Variants in SAMD5 observed in about 807,000 individuals in gnomAD.
SAMD5 encodes the protein sterile alpha motif domain containing 5.
In SAMD5, 13 loss-of-function variants were observed where a neutral mutation model predicts 11.3. The ratio of observed to expected loss-of-function variants is 1.15; its 90% CI spans 0.75 to 1.83. SAMD5 has a LOEUF of 1.83. SAMD5 is among the 40% of genes most tolerant of loss of function. The pLI, the probability that SAMD5 is intolerant of heterozygous loss-of-function variation, is 0.00. For synonymous variants in SAMD5, 129 were observed against 111.3 expected (o/e 1.16, Z -1.00); for missense variants, 255 against 239.1 (o/e 1.07, Z -0.44).
the SAMD5 span, among the ~76,000 whole-genome samples, chr6:147,796,841 A>G: frequency 6.7e-6 from 1 of 150,290 alleles, no homozygotes; most frequent in Non-Finnish European, 1.5e-5. Context: ...TGTGAATGGG[A>G]GTTCACTCAT....
chr6:147,908,655 A>G, the SAMD5 span, among the ~76,000 whole-genome samples: 1 of 152,190 alleles, frequency 6.6e-6, no homozygotes, highest in African/African-American at 2.4e-5. Context: ...ATTTGTGTAG[A>G]TACATATATG....
chr6:147,752,050 C>A, the SAMD5 span, among the ~76,000 whole-genome samples: 4 of 152,182 alleles, frequency 2.6e-5, no homozygotes, highest in Non-Finnish European at 5.9e-5. Context: ...GCTTTTAATT[C>A]TTTGATAAAA....
At chr6:147,651,243 G>A (rs1367833454) in intron 1 of SAMD5, among the ~76,000 whole-genome samples, 5 of 152,280 alleles carry the variant, frequency 3.3e-5, no homozygotes, top group Admixed American at 2.6e-4. Flanking sequence ...AATAGCAAAC[G>A]ATTACGGTCC....
chr6:147,738,779 T>G (rs562931834), downstream of SAMD5, among the ~76,000 whole-genome samples: 16 of 152,350 alleles, frequency 1.1e-4, no homozygotes, highest in Non-Finnish European at 1.9e-4. Context: ...TGTGGCTGAC[T>G]GCCCACAGTT....
In SAMD5 at chr6:147,711,052, G is replaced by A. The variant is rs1000869559; in HGVS notation, c.163-26265G>A. Among the ~76,000 whole-genome samples the A allele has an allele frequency of 2.0e-5, 3 of 151,638 alleles. No individual in the cohort carries two copies. The highest frequency in any genetic ancestry group is 2.0e-4 in the Admixed American group (3 of 15,212). On this transcript the variant is annotated intron_variant, in intron 1 of 1. Transcript: ENST00000566741. This position sits in a 1 kb window ranked among gnomAD's most constrained non-coding sequence, Gnocchi z 4.1. ...AAGGAGGGAAGGAAAATGAAAGAAG[G>A]AAGGAAAAGAAGGAAGGAAGGAAGG...
chr6:147,680,739 A>G (rs1415144011), intron 1 of SAMD5, among the ~76,000 whole-genome samples: 3 of 152,082 alleles, frequency 2.0e-5, no homozygotes, highest in Non-Finnish European at 4.4e-5. Flanking sequence ...ATTCTGTCAA[A>G]TATTTTTTCT....
the SAMD5 span, among the ~76,000 whole-genome samples, chr6:147,775,225 T>C: frequency 6.6e-6 from 1 of 151,692 alleles, no homozygotes; most frequent in Non-Finnish European, 1.5e-5. Flanking sequence ...TGATGTGGGT[T>C]CAAATCCTGA....
chr6:147,681,593 A>G (rs1343334755), intron 1 of SAMD5, among the ~76,000 whole-genome samples: 1 of 152,132 alleles, frequency 6.6e-6, no homozygotes, highest in African/African-American at 2.4e-5. Flanking sequence ...TGCCTGGTAA[A>G]TATTTTATTG....
rs553785480 is a variant in SAMD5, at chr6:147,644,839, T to C, written c.163-92478T>C. ...ATTCTCCAAATCATCACAAGAGACA[T>C]GGGATTCATGGAAACCCTTGGATTA... On this transcript the variant is annotated intron_variant, in intron 1 of 1. Coordinates refer to the SAMD5 transcript ENST00000566741. Among the ~76,000 whole-genome samples the C allele has an allele frequency of 1.9e-4, 29 of 152,310 alleles. No homozygotes were observed. The South Asian group carries it at 6.0e-3, about 32-fold the overall frequency.
intron 1 of SAMD5, among the ~76,000 whole-genome samples, chr6:147,714,759 T>C (rs6940425): frequency 0.2 from 31,055 of 152,138 alleles, 4,605 homozygotes; most frequent in African/African-American, 0.41. Flanking sequence ...TCCTGGACTC[T>C]ATTCTTGGAC....
the SAMD5 span, among the ~76,000 whole-genome samples, chr6:147,929,089 G>C: frequency 6.6e-6 from 1 of 151,814 alleles, no homozygotes; most frequent in East Asian, 1.9e-4. Flanking sequence ...CTTTTAACTA[G>C]AGCAGTCACT....
chr6:147,709,828 T>C (rs1341150533), intron 1 of SAMD5, among the ~76,000 whole-genome samples: 5 of 152,326 alleles, frequency 3.3e-5, no homozygotes, highest in East Asian at 1.9e-4. Flanking sequence ...TCATCTTTTC[T>C]CTGGAGGACT....
chr6:147,944,483 G>A, the SAMD5 span, among the ~76,000 whole-genome samples: 9 of 152,052 alleles, frequency 5.9e-5, no homozygotes, highest in East Asian at 5.8e-4. Context: ...ACCCACCCCC[G>A]TGATTCAATT....
the SAMD5 span, among the ~76,000 whole-genome samples, chr6:147,891,856 C>G: frequency 6.6e-6 from 1 of 151,974 alleles, no homozygotes; most frequent in Admixed American, 6.6e-5. Context: ...CCAGACGTGC[C>G]TGGAAAAGAA....
the SAMD5 span, among the ~76,000 whole-genome samples, chr6:147,757,884 TTAACAC>T: frequency 6.6e-6 from 1 of 152,204 alleles, no homozygotes; most frequent in Admixed American, 6.5e-5. Flanking sequence ...TTTAACTTGT[TTAACAC>T]TAACCTTTAA....
chr6:147,564,251 T>A, intron 1 of SAMD5, 143 bp from the exon 2 acceptor site: 2 of 594,700 alleles, frequency 3.4e-6, no homozygotes, highest in Non-Finnish European at 6.1e-6. Flanking sequence ...AAGCAAAAAC[T>A]CTTAGGGCTG....
Position 147,509,262 on chromosome 6 carries a change from G to A in SAMD5, c.334G>A (p.Gly112Ser). 3.9e-6 allele frequency: 6 copies of A among 1,542,086 alleles called. No individual in the cohort carries two copies. Among genetic ancestry groups the A allele is most frequent in the Non-Finnish European group, 4.4e-6 (5 of 1,147,632 alleles). Residue 112 changes from glycine (G) to serine (S), a missense_variant, in exon 1 of 2, where the codon GGC (glycine) becomes AGC (serine). Physicochemically the swap from Gly to Ser is moderately conservative, Grantham distance 56. Coordinates refer to ENST00000367474, the MANE Select transcript of SAMD5 (RefSeq NM_001030060.3). ...CCAGGGCACCCGCGGGGACTCTCGCGGCCACACGACCGCCCCCCGCAGCAG... is the reference window on the plus strand; with the variant it reads ...CCAGGGCACCCGCGGGGACTCTCGCAGCCACACGACCGCCCCCCGCAGCAG... The part of the protein sequence containing the change: ...PAQGTRGDSR[G>S]HTTAPRSREL...
the SAMD5 span, among the ~76,000 whole-genome samples, chr6:147,823,461 T>C: frequency 1.3e-5 from 2 of 152,156 alleles, no homozygotes; most frequent in Non-Finnish European, 2.9e-5. Flanking sequence ...AATCTAAAAA[T>C]ATAATTGCAA....
the SAMD5 span, among the ~76,000 whole-genome samples, chr6:147,882,526 G>A: frequency 4.9e-4 from 74 of 152,280 alleles, no homozygotes; most frequent in African/African-American, 1.4e-3. Flanking sequence ...GCTGCAGTGC[G>A]CTATGTTTGC....
Sources: gnomAD v4.1 joint callset for allele counts (sites outside exome capture counted in the v4.1 genomes callset) on GRCh38, gnomAD v4.1.1 for gene constraint, Gnocchi (gnomAD v3.1) non-coding constraint, MANE v1.5 for transcripts, NCBI Gene and HGNC (gene_info 2026-07-23, HGNC 2026-07-21) for gene names.